The following CA10 variants were observed in gnomAD, a reference collection of about 807,000 sequenced individuals.
CA10 encodes the protein carbonic anhydrase-related protein 10.
Under a neutral mutation model 44.2 loss-of-function variants are expected in CA10, and 14 were observed. The ratio of observed to expected loss-of-function variants is 0.32; its 90% confidence interval spans 0.21 to 0.50. CA10 has a LOEUF of 0.50. Among genes scored for constraint, CA10 ranks in the 20% least tolerant of loss-of-function variants. The pLI, the probability that CA10 is intolerant of heterozygous loss-of-function variation, is 0.99. For missense variants in CA10, 350 were observed against 409.7 expected, an observed-to-expected ratio of 0.85 and a Z score of 1.26; for synonymous variants, 159 against 141.6, an observed-to-expected ratio of 1.12 and a Z score of -0.87.
chr17:52,080,964 G>T (rs1987958765), intron 1 of CA10, among the ~76,000 whole-genome samples: 1 of 152,102 alleles, frequency 6.6e-6, no homozygotes, highest in Admixed American at 6.5e-5. Context: ...AGCATTGAGG[G>T]TACAAAGTTC....
At chr17:52,036,275 T>C (rs1276746878) in intron 2 of CA10, among the ~76,000 whole-genome samples, 1 of 152,222 alleles carries the variant, frequency 6.6e-6, no homozygotes, top group African/African-American at 2.4e-5. Context: ...TTAGGCTTCA[T>C]TCGAAATCTT....
intron 3 of CA10, among the ~76,000 whole-genome samples, chr17:51,923,361 A>G (rs1188065693): frequency 6.6e-6 from 1 of 152,072 alleles, no homozygotes; most frequent in Non-Finnish European, 1.5e-5. Flanking sequence ...CTCATATCCT[A>G]CCTCTTCCAT....
At chr17:51,925,303 T>C (rs1159647631) in intron 3 of CA10, among the ~76,000 whole-genome samples, 1 of 152,148 alleles carries the variant, frequency 6.6e-6, no homozygotes, top group Non-Finnish European at 1.5e-5. Context: ...CAGGAACAGG[T>C]TGTATTCCAA....
chr17:52,121,675 C>G (rs972284023), intron 1 of CA10, among the ~76,000 whole-genome samples: 5 of 26,138 alleles, frequency 1.9e-4, no homozygotes, highest in Non-Finnish European at 3.4e-4. Flanking sequence ...CACACACACA[C>G]AGATACACAC....
intron 3 of CA10, among the ~76,000 whole-genome samples, chr17:51,875,042 T>C (rs769600991): frequency 3.9e-4 from 59 of 151,502 alleles, no homozygotes; most frequent in Admixed American, 1.7e-3. Context: ...GGTTTGATCA[T>C]GGTTCACTGC....
intron 3 of CA10, among the ~76,000 whole-genome samples, chr17:51,750,731 A>G (rs1478577404): frequency 1.3e-5 from 2 of 152,242 alleles, no homozygotes; most frequent in Non-Finnish European, 2.9e-5. Context: ...CATGGGATTC[A>G]ATCTAGTGAC....
intron 3 of CA10, among the ~76,000 whole-genome samples, chr17:51,801,401 T>C (rs1326061466): frequency 6.6e-6 from 1 of 152,100 alleles, no homozygotes; most frequent in Non-Finnish European, 1.5e-5. Context: ...CTAGGAAAGA[T>C]AAGACAGTAG....
chr17:51,800,439 AT>A (rs1347844177), intron 3 of CA10, among the ~76,000 whole-genome samples: 1 of 152,182 alleles, frequency 6.6e-6, no homozygotes, highest in African/African-American at 2.4e-5. Context: ...AACTCTGTGG[AT>A]GTACAAAAAA....
At chr17:52,061,029 A>G (rs1987369978) in intron 2 of CA10, among the ~76,000 whole-genome samples, 1 of 152,208 alleles carries the variant, frequency 6.6e-6, no homozygotes, top group Non-Finnish European at 1.5e-5. Flanking sequence ...TTGTGCTTCC[A>G]TTAGCTTTGG....
rs190648848 is a variant in CA10, at chr17:51,690,549, T to C, written c.466-36813A>G. On this transcript the variant is annotated intron_variant, in intron 4 of 8. Coordinates refer to ENST00000451037, the MANE Select transcript of CA10 (RefSeq NM_020178.5). The stretch of plus-strand genomic sequence containing the variant: ...AGAGGCCTGGTGGGAGGTAATCGAA[T>C]CATGGGGATGGGTATTCCCATGCTG... Among the ~76,000 whole-genome samples the C allele has an allele frequency of 4.6e-5, 7 of 152,286 alleles. No homozygotes were observed. In the South Asian group the frequency reaches 1.5e-3, roughly 32 times the overall value.
At chr17:51,836,303 C>T (rs1908474833) in intron 3 of CA10, among the ~76,000 whole-genome samples, 1 of 152,226 alleles carries the variant, frequency 6.6e-6, no homozygotes, top group African/African-American at 2.4e-5. Flanking sequence ...GAAAAACTGT[C>T]ATTACTCCTC....
rs533010569 is a variant in CA10 at position 51,723,061 on chromosome 17, G to T, written c.465+24572C>A. Among the ~76,000 whole-genome samples, 7 of 152,298 alleles carry T rather than the reference G, an allele frequency of 4.6e-5. No homozygotes were observed. In the South Asian group the frequency reaches 1.5e-3, roughly 32 times the overall value. ...TTCCCTCCTGTTGAGGCAAAGATTGGAAAAGTGTAATTAGACCAACAACAC... is the reference window on the plus strand; with the variant it reads ...TTCCCTCCTGTTGAGGCAAAGATTGTAAAAGTGTAATTAGACCAACAACAC... On this transcript the variant is annotated intron_variant, in intron 4 of 8. Coordinates refer to ENST00000451037, the MANE Select transcript of CA10 (RefSeq NM_020178.5).
At chr17:51,910,645 G>A (rs557366730) in intron 3 of CA10, among the ~76,000 whole-genome samples, 114 of 152,258 alleles carry the variant, frequency 7.5e-4, no homozygotes, top group Non-Finnish European at 1.3e-3. Flanking sequence ...CACTCAAAGG[G>A]AAATGGACAA....
intron 3 of CA10, among the ~76,000 whole-genome samples, chr17:51,883,352 T>C (rs1980461297): frequency 6.6e-6 from 1 of 152,212 alleles, no homozygotes; most frequent in African/African-American, 2.4e-5. Flanking sequence ...TGATCACTCT[T>C]CCCACTTGTG....
At chr17:52,022,560 G>A (rs2144156577) in intron 2 of CA10, among the ~76,000 whole-genome samples, 1 of 152,080 alleles carries the variant, frequency 6.6e-6, no homozygotes, top group South Asian at 2.1e-4. Flanking sequence ...ACAAGACAAG[G>A]ATGCCATTCT....
chr17:52,002,994 C>A (rs947313507), intron 2 of CA10, among the ~76,000 whole-genome samples: 2 of 151,888 alleles, frequency 1.3e-5, no homozygotes, highest in African/African-American at 4.8e-5. Flanking sequence ...ATTATCCTAC[C>A]TTCAGAAATA....
rs370356018 is a variant in CA10, at chr17:52,012,794, A to G, written c.136+59525T>C. Among the ~76,000 whole-genome samples, 7 of 150,952 alleles carry G rather than the reference A, an allele frequency of 4.6e-5. No homozygotes were observed. In the East Asian group the frequency reaches 8.0e-4, roughly 17 times the overall value. The stretch of plus-strand genomic sequence containing the variant: ...GAAAACTGGAGAATGATAAGTTTGA[A>G]CATAAAAAAGGAAATGGAAATGTGT... On this transcript the variant is annotated intron_variant, in intron 2 of 8. Coordinates refer to ENST00000451037, the MANE Select transcript of CA10 (RefSeq NM_020178.5).
At chr17:51,860,161 C>T (rs901242289) in intron 3 of CA10, among the ~76,000 whole-genome samples, 1 of 152,124 alleles carries the variant, frequency 6.6e-6, no homozygotes, top group Admixed American at 6.5e-5. Flanking sequence ...ACCCTTTCTC[C>T]CCTAGTCTCT....
At chr17:52,086,453 G>C (rs1343235501) in intron 1 of CA10, among the ~76,000 whole-genome samples, 1 of 152,180 alleles carries the variant, frequency 6.6e-6, no homozygotes, top group Non-Finnish European at 1.5e-5. Context: ...TTTTTCAAAA[G>C]TTGTTTTCCT....
Sources: gnomAD v4.1 joint callset for allele counts (sites outside exome capture counted in the v4.1 genomes callset) on GRCh38, gnomAD v4.1.1 for gene constraint, MANE v1.5 for transcripts, NCBI Gene and HGNC (gene_info 2026-07-23, HGNC 2026-07-21) for gene names.